PLA2G2A: variants seen among roughly 807,000 people sequenced by gnomAD.
PLA2G2A encodes phospholipase A2 group IIA.
A neutral mutation model predicts 11.2 loss-of-function variants in PLA2G2A; 6 were observed. That is an observed-to-expected ratio of 0.54 (90% confidence interval 0.29 to 1.06). PLA2G2A has a LOEUF of 1.06. Among genes scored for constraint, PLA2G2A ranks in the 50% least tolerant of loss-of-function variants. PLA2G2A has a pLI of 0.08. For missense variants in PLA2G2A, 133 were observed against 177.1 expected (o/e 0.75, Z 1.41); for synonymous variants, 69 against 65.8 (o/e 1.05, Z -0.23).
chr1:19,978,514 C>T (rs1285185716), exon 3 of PLA2G2A: 5 of 1,613,660 alleles, frequency 3.1e-6, no homozygotes, highest in East Asian at 2.2e-5. Context: ...TCCCATGGGC[C>T]TGCAGTAGGC....
At chr1:19,979,000 C>CACACA (rs1553167303) in intron 1 of PLA2G2A, 121 bp from the exon 2 acceptor site, 13 of 550,808 alleles carry the variant, frequency 2.4e-5, no homozygotes, top group South Asian at 2.3e-4. Context: ...CACACACACA[C>CACACA]AACCACCTCC....
chr1:19,976,131 G>A (rs2046216119), intron 4 of PLA2G2A, among the ~76,000 whole-genome samples: 1 of 152,216 alleles, frequency 6.6e-6, no homozygotes, highest in Non-Finnish European at 1.5e-5. Context: ...AGGAGGCAAA[G>A]CCCTAGCCTC....
chr1:19,978,704 C>G (rs754486062), intron 2 of PLA2G2A, 30 bp downstream of exon 2: 13 of 1,612,834 alleles, frequency 8.1e-6, no homozygotes, highest in African/African-American at 4.0e-5. Context: ...GGCTGTCCCC[C>G]CATGCTCAGA....
chr1:19,978,189 C>A, intron 3 of PLA2G2A, 68 bp from the exon 4 acceptor site: 1 of 1,357,024 alleles, frequency 7.4e-7, no homozygotes, highest in Non-Finnish European at 1.1e-6. Context: ...TGTGGTCTCA[C>A]CCCCTTGGAC....
chr1:19,975,757 T>C lies in PLA2G2A; in HGVS notation c.379A>G (p.Lys127Glu), dbSNP rs377531807. 7.4e-6 allele frequency: 12 copies of C among 1,613,624 alleles called. No homozygotes were observed. The highest frequency in any genetic ancestry group is 4.0e-5 in the African/African-American group (3 of 74,922). The stretch of plus-strand genomic sequence containing the variant: ...TTATTGGAATAGTACTGGTACTTTT[T>C]ATTGTAGGTCGTCTTGTTTCTAGCA... Residue 127 changes from lysine to glutamate, a missense_variant, in exon 5 of 5, where the codon AAA (lysine) becomes GAA (glutamate). By Grantham distance (56) the Lys-to-Glu change is moderately conservative. Coordinates refer to ENST00000482011, the Ensembl canonical transcript of PLA2G2A.
chr1:19,976,792 T>C (rs2046225767), intron 4 of PLA2G2A, among the ~76,000 whole-genome samples: 1 of 152,180 alleles, frequency 6.6e-6, no homozygotes, highest in Non-Finnish European at 1.5e-5. Flanking sequence ...TGTCTTTATT[T>C]GCCTTCCCAT....
At position 19,978,973 on chromosome 1, in the gene PLA2G2A, G is replaced by GCGCA. The variant is rs1553167304; in HGVS notation, c.-106-95_-106-94insTGCG. ...CACACAAGGAGTGCCCTCCAGCAATGCACACACACACACACACACACACAC... is the reference window on the plus strand; with the variant it reads ...CACACAAGGAGTGCCCTCCAGCAATGCGCACACACACACACACACACACACACAC... On this transcript the variant is annotated intron_variant, in intron 1 of 4. Coordinates refer to ENST00000482011, the Ensembl canonical transcript of PLA2G2A. 4.2e-5 allele frequency: 24 copies of GCGCA among 573,270 alleles called. No individual in the cohort carries two copies. The African/African-American group carries it at 4.4e-4, about 10-fold the overall frequency. The allele number at this position is 573,270 out of a possible 1,614,324, so 35.5% of individuals were successfully genotyped here.
chr1:19,979,090 G>A, intron 1 of PLA2G2A: 1 of 452,218 alleles, frequency 2.2e-6, no homozygotes, highest in East Asian at 4.6e-5. Flanking sequence ...ATACACTAAT[G>A]AGACCTCCCC....
At chr1:19,976,653 GA>G (rs901535381) in intron 4 of PLA2G2A, among the ~76,000 whole-genome samples, 3 of 152,208 alleles carry the variant, frequency 2.0e-5, no homozygotes, top group African/African-American at 7.2e-5. Context: ...CCATGGGCAG[GA>G]GTCCACGCTT....
exon 2 of PLA2G2A, chr1:19,978,738 G>A (rs148271639): frequency 1.2e-6 from 2 of 1,614,142 alleles, no homozygotes; most frequent in South Asian, 2.2e-5. Flanking sequence ...TCTTACCAAA[G>A]ATCATGATCA....
chr1:19,980,348 T>C (rs988778747), upstream of PLA2G2A: 1 of 152,398 alleles, frequency 6.6e-6, no homozygotes, highest in Non-Finnish European at 1.5e-5. Context: ...CTTCACTTTA[T>C]TCCCCATCCT....
At position 19,978,165 on chromosome 1, in the gene PLA2G2A, G is replaced by A. The variant is rs760567505; in HGVS notation, c.186-44C>T. 5 of 1,471,610 alleles carry A rather than the reference G, an allele frequency of 3.4e-6. No homozygotes were observed. In the East Asian group the frequency reaches 9.0e-5, roughly 27 times the overall value. 91.2% of individuals were successfully genotyped at this position (1,471,610 alleles called of 1,614,324 possible). On this transcript the variant is annotated intron_variant, in intron 3 of 4. Coordinates refer to ENST00000482011, the Ensembl canonical transcript of PLA2G2A. ...TTGGGGCTCTTGTCCCACAGCTCCA[G>A]GAGGCCTGGTGCCTGTGGTCTCACC...
chr1:19,977,254 A>G (rs190656601), intron 4 of PLA2G2A, among the ~76,000 whole-genome samples: 46 of 151,870 alleles, frequency 3.0e-4, no homozygotes, highest in African/African-American at 1.0e-3. Flanking sequence ...GGTCTTTATC[A>G]CAGTTGTGCC....
In PLA2G2A at chr1:19,978,756, C is replaced by T. The variant is rs150999850; in HGVS notation, c.18G>A (p.Leu6=). The T allele has an allele frequency of 1.7e-4, 279 of 1,614,152 alleles. 1 individual carries two copies. In the African/African-American group the frequency reaches 3.5e-3, roughly 20 times the overall value. The change falls in exon 2 of 5, where the codon CTG becomes CTA. Residue 6 remains leucine (L), a synonymous_variant. Transcript: ENST00000482011. ...TACCAAAGATCATGATCACTGCCAA[C>T]AGTAGGAGGGTCTTCATGGTAAGAG...
chr1:19,978,899 T>A lies in PLA2G2A; in HGVS notation c.-106-20A>T. The A allele has an allele frequency of 1.2e-6, 1 of 847,116 alleles. No individual in the cohort carries two copies. 52.5% of individuals were successfully genotyped at this position (847,116 alleles called of 1,614,324 possible). On this transcript the variant is annotated intron_variant, in intron 1 of 4. Transcript: ENST00000482011. ...GTGGCTCTGAGACACACAGACATGCTCTCCCATCCAACCTAAGTCCAGGGT... is the reference window on the plus strand; with the variant it reads ...GTGGCTCTGAGACACACAGACATGCACTCCCATCCAACCTAAGTCCAGGGT...
intron 4 of PLA2G2A, among the ~76,000 whole-genome samples, chr1:19,977,236 G>A (rs930789146): frequency 3.3e-5 from 5 of 152,024 alleles, no homozygotes; most frequent in Admixed American, 6.5e-5. Flanking sequence ...ACCATGACCT[G>A]CTCCCATGGT....
intron 2 of PLA2G2A, 32 bp downstream of exon 2, chr1:19,978,699 TCCC>T: frequency 6.2e-7 from 1 of 1,609,194 alleles, no homozygotes; most frequent in Non-Finnish European, 8.5e-7. Context: ...TCTGGGGCTG[TCCC>T]CCCATGCTCA....
At chr1:19,975,635 T>G, downstream of PLA2G2A, 1 of 1,462,478 alleles carries the variant, frequency 6.8e-7, no homozygotes, top group Non-Finnish European at 9.6e-7. Context: ...TTGGTTAGGG[T>G]AGGGAGGGAG....
chr1:19,980,171 G>C (rs560891360), upstream of PLA2G2A, among the ~76,000 whole-genome samples: 7 of 152,310 alleles, frequency 4.6e-5, no homozygotes, highest in African/African-American at 1.7e-4. Flanking sequence ...CAGTCCACCA[G>C]GGAGAGAGTT....
Sources: allele counts gnomAD v4.1 joint callset (sites outside exome capture counted in the v4.1 genomes callset), GRCh38; gene constraint gnomAD v4.1.1; transcripts MANE v1.5; gene names NCBI Gene and HGNC (gene_info 2026-07-23, HGNC 2026-07-21).